Variants in KDM5B observed in about 807,000 individuals in gnomAD.
The protein encoded by KDM5B is lysine demethylase 5B, also known as lysine-specific demethylase 5B.
KDM5B carries 144 observed loss-of-function variants against 193.4 expected under a neutral mutation model. The observed-to-expected ratio is 0.74, with a 90% CI of 0.65 to 0.86. KDM5B has a LOEUF of 0.86. KDM5B is among the 40% of genes least tolerant of loss of function. KDM5B has a pLI of 0.00. For synonymous variants in KDM5B, 668 were observed against 682.6 expected (o/e 0.98, Z 0.33); for missense variants, 1,833 against 1,886.9 (o/e 0.97, Z 0.53).
intron 1 of KDM5B, chr1:202,796,292 G>A (rs1004249371): frequency 3.1e-5 from 13 of 415,112 alleles, no homozygotes; most frequent in Non-Finnish European, 5.9e-5. Flanking sequence ...AATGGTCCCC[G>A]CTGTGCCACC....
intron 1 of KDM5B, among the ~76,000 whole-genome samples, chr1:202,781,974 A>G (rs1657215859): frequency 6.7e-6 from 1 of 150,250 alleles, no homozygotes; most frequent in South Asian, 2.1e-4. Context: ...AAAGTTTTAC[A>G]AATTAAAATG....
rs528807494 is a variant in KDM5B, at chr1:202,773,026, C to CA, written c.576+91dup. On this transcript the variant is annotated intron_variant, in intron 4 of 26. Coordinates refer to ENST00000367265, the MANE Select transcript of KDM5B (RefSeq NM_006618.5). ...TAAGGTCTTCTAAAACAAGGTCTTC[C>CA]AAACACAATCAAGGCTTTTTCATTT... The CA allele has an allele frequency of 5.2e-4, 518 of 987,100 alleles. 5 individuals carry two copies. In the African/African-American group the frequency reaches 7.5e-3, roughly 14 times the overall value. The allele number at this position is 987,100 out of a possible 1,614,324, so 61.1% of individuals were successfully genotyped here.
intron 22 of KDM5B, among the ~76,000 whole-genome samples, chr1:202,734,205 C>T (rs1655007860): frequency 6.6e-6 from 1 of 151,498 alleles, no homozygotes; most frequent in Non-Finnish European, 1.5e-5. Flanking sequence ...AAAACCATTT[C>T]CAATCACCAC....
intron 14 of KDM5B, among the ~76,000 whole-genome samples, chr1:202,748,642 G>A (rs187106761): frequency 6.6e-6 from 1 of 152,190 alleles, no homozygotes; most frequent in Non-Finnish European, 1.5e-5. Context: ...GTTGAGTTGG[G>A]TGGATAGCTT....
intron 13 of KDM5B, 73 bp from the exon 14 acceptor site, chr1:202,749,212 T>C (rs1222772672): frequency 3.8e-6 from 5 of 1,328,360 alleles, no homozygotes; most frequent in Admixed American, 2.3e-5. Flanking sequence ...GACCCATTAT[T>C]ATCAAATTAC....
rs192805022 is a variant in KDM5B at position 202,795,756 on chromosome 1, A to G, written c.204+12346T>C. On this transcript the variant is annotated intron_variant, in intron 1 of 26. Coordinates refer to ENST00000367265, the MANE Select transcript of KDM5B (RefSeq NM_006618.5). ...ATTTGAATAAAAAACTAGGAAATTT[A>G]AGTTTATATGATTACATAGGGGTCC... is the stretch of plus-strand genomic sequence containing the variant. 1.1e-4 allele frequency among the ~76,000 whole-genome samples: 16 copies of G among 152,180 alleles called. No homozygotes were observed. In the East Asian group the frequency reaches 2.9e-3, roughly 27 times the overall value.
At chr1:202,806,237 C>T (rs960952653) in intron 1 of KDM5B, among the ~76,000 whole-genome samples, 4 of 152,310 alleles carry the variant, frequency 2.6e-5, no homozygotes, top group South Asian at 2.1e-4. Flanking sequence ...ACAATACCAA[C>T]ATGGAGGACA....
chr1:202,762,209 T>C (rs1281836712), intron 7 of KDM5B, among the ~76,000 whole-genome samples: 1 of 152,208 alleles, frequency 6.6e-6, no homozygotes, highest in African/African-American at 2.4e-5. Flanking sequence ...TTTCCTTTTC[T>C]TCCTTCCTTC....
intron 1 of KDM5B, among the ~76,000 whole-genome samples, chr1:202,800,695 T>C (rs1658037411): frequency 6.6e-6 from 1 of 152,150 alleles, no homozygotes; most frequent in African/African-American, 2.4e-5. Flanking sequence ...TTTGTCAGGC[T>C]AAATACCCAC....
intron 2 of KDM5B, among the ~76,000 whole-genome samples, chr1:202,775,903 T>TATATATATATAA (rs1377753407): frequency 9.5e-6 from 1 of 104,988 alleles, no homozygotes; most frequent in African/African-American, 3.6e-5. Context: ...TATATATATA[T>TATATATATATAA]AATATATACA....
In KDM5B at chr1:202,733,701, A is replaced by G; in HGVS notation, c.3609T>C (p.Cys1203=). 6.2e-7 allele frequency: 1 copy of G among 1,614,170 alleles called. No homozygotes were observed. The highest frequency in any genetic ancestry group is 1.1e-5 in the South Asian group (1 of 91,084). ...ELCRDAFHTS[C]VAVPSISQGL... is the part of the protein sequence containing the mutation. ...CCTGTGAAATACTGGGTACCGCCAC[A>G]CAACTGGTGTGGAAAGCATCCCTGC... Residue 1203 remains cysteine (C), a synonymous_variant, in exon 23 of 27, where the codon TGT becomes TGC. Transcript: ENST00000367265.
At chr1:202,799,392 G>C (rs1280175810) in intron 1 of KDM5B, among the ~76,000 whole-genome samples, 1 of 152,064 alleles carries the variant, frequency 6.6e-6, no homozygotes, top group Admixed American at 6.5e-5. Flanking sequence ...GGTGGCTCGC[G>C]CCTGTAATCC....
intron 1 of KDM5B, among the ~76,000 whole-genome samples, chr1:202,802,048 A>C (rs1014460799): frequency 2.6e-5 from 4 of 151,772 alleles, no homozygotes; most frequent in Non-Finnish European, 5.9e-5. Flanking sequence ...AAATTCTCTT[A>C]GAGAAAAAAA....
At chr1:202,777,265 T>C (rs1656994660) in intron 1 of KDM5B, among the ~76,000 whole-genome samples, 171 bp from the exon 2 acceptor site, 1 of 151,078 alleles carries the variant, frequency 6.6e-6, no homozygotes, top group African/African-American at 2.4e-5. Flanking sequence ...GCAAAATATG[T>C]ATGAACACCC....
At chr1:202,762,831 A>T in intron 6 of KDM5B, 23 bp from the exon 7 acceptor site, 1 of 1,303,500 alleles carries the variant, frequency 7.7e-7, no homozygotes, top group African/African-American at 1.5e-5. Context: ...ATCCAAAATT[A>T]GCTCTTTATG....
In KDM5B at chr1:202,750,669, G is replaced by A. The variant is rs1260814514; in HGVS notation, c.1811C>T (p.Thr604Ile). 1 of 1,613,606 alleles carries A rather than the reference G, an allele frequency of 6.2e-7. No homozygotes were observed. Among genetic ancestry groups the A allele is most frequent in the Admixed American group, 1.7e-5 (1 of 59,994 alleles). Residue 604 changes from threonine (T) to isoleucine (I), a missense_variant, in exon 13 of 27, where the codon ACT (threonine) becomes ATT (isoleucine). Transcript: ENST00000367265. The part of the protein sequence containing the change: ...FNFAEAVNFC[T>I]VDWLPLGRQC... Reference sequence around the variant, plus strand: ...ATTGTAATTACATACCCAATCAACAGTGCAGAAGTTAACAGCCTCAGCAAA... The same window carrying A: ...ATTGTAATTACATACCCAATCAACAATGCAGAAGTTAACAGCCTCAGCAAA...
intron 1 of KDM5B, among the ~76,000 whole-genome samples, chr1:202,804,862 T>A (rs1572790310): frequency 9.9e-6 from 1 of 101,076 alleles, no homozygotes; most frequent in Non-Finnish European, 2.2e-5. Context: ...CAAAATTCCG[T>A]CTCAAAAAAA....
At chr1:202,808,036 C>G (rs915682958) in intron 1 of KDM5B, 66 bp downstream of exon 1, 1 of 1,535,288 alleles carries the variant, frequency 6.5e-7, no homozygotes, top group Non-Finnish European at 8.8e-7. Context: ...CGGGCCTCCC[C>G]GGACCCGCGC....
chr1:202,772,468 C>T (rs551669667), intron 4 of KDM5B, among the ~76,000 whole-genome samples: 2 of 152,262 alleles, frequency 1.3e-5, no homozygotes, highest in African/African-American at 4.8e-5. Context: ...AACAGGTAGG[C>T]AAGTTATTTC....
Sources: allele counts gnomAD v4.1 joint callset (sites outside exome capture counted in the v4.1 genomes callset), GRCh38; gene constraint gnomAD v4.1.1; transcripts MANE v1.5; gene names NCBI Gene and HGNC (gene_info 2026-07-23, HGNC 2026-07-21).